The following ARHGEF11 variants were observed in gnomAD, a reference collection of about 807,000 sequenced individuals.
The protein encoded by ARHGEF11 is Rho guanine exchange factor (GEF) 11.
Under a neutral mutation model 193.7 loss-of-function variants are expected in ARHGEF11, and 55 were observed. That is an observed-to-expected ratio of 0.28 (90% CI 0.23 to 0.36). The LOEUF (loss-of-function observed/expected upper bound fraction) is 0.36. Among genes scored for constraint, ARHGEF11 ranks in the 10% least tolerant of loss-of-function variants. The pLI is 1.00. For synonymous variants in ARHGEF11, 693 were observed against 768.0 expected, an observed-to-expected ratio of 0.90 and a Z score of 1.62; for missense variants, 1,723 against 2,005.6, an observed-to-expected ratio of 0.86 and a Z score of 2.69.
Position 156,968,090 on chromosome 1 carries a change from G to A in ARHGEF11, c.860C>T (p.Pro287Leu). Residue 287 changes from proline (P) to leucine (L), a missense_variant, in exon 11 of 41, where the codon CCT becomes CTT. Around this residue, in one of 5 missense-constraint regions of ARHGEF11, gnomAD observed 646 missense variants for 710.7 expected, o/e 0.91. Coordinates refer to ENST00000368194, the MANE Select transcript of ARHGEF11 (RefSeq NM_198236.3). Reference protein sequence around the residue: ...LMNRNSVLSDPGLDSPRTSPV... With the variant: ...LMNRNSVLSDLGLDSPRTSPV... ...GGAGGTTCGAGGACTGTCTAGCCCA[G>A]GGTCTGACAGTACCGAGTTCCGATT... 1 of 1,613,480 alleles carries A rather than the reference G, an allele frequency of 6.2e-7. No individual in the cohort carries two copies. The highest frequency in any genetic ancestry group is 8.5e-7 in the Non-Finnish European group (1 of 1,179,494).
chr1:156,995,150 G>A (rs1464759060), intron 1 of ARHGEF11, among the ~76,000 whole-genome samples: 1 of 152,164 alleles, frequency 6.6e-6, no homozygotes, highest in Non-Finnish European at 1.5e-5. Context: ...TCACCTAGAA[G>A]AACTGGCCTC....
At position 156,958,795 on chromosome 1, in the gene ARHGEF11, A is replaced by C. The variant is rs775776108; in HGVS notation, c.1449T>G (p.Pro483=). ...TCTCAGCCACTTGGCGCTCTCGGAGAGGGTCCCCATCCAGGTCCAGCAGGT... is the reference window on the plus strand; with the variant it reads ...TCTCAGCCACTTGGCGCTCTCGGAGCGGGTCCCCATCCAGGTCCAGCAGGT... The part of the protein sequence containing the change: ...ENDLLDLDGD[P]LRERQVAEKQ... The change falls in exon 17 of 41, where the codon CCT becomes CCG. Residue 483 remains proline (P), a synonymous_variant. Transcript: ENST00000368194. 5.6e-6 allele frequency: 9 copies of C among 1,614,182 alleles called. No homozygotes were observed. The highest frequency in any genetic ancestry group is 7.6e-6 in the Non-Finnish European group (9 of 1,180,022).
At chr1:157,025,553 G>C (rs1670541983) in intron 1 of ARHGEF11, among the ~76,000 whole-genome samples, 1 of 152,138 alleles carries the variant, frequency 6.6e-6, no homozygotes, top group South Asian at 2.1e-4. Context: ...CCTAGCCTGA[G>C]TTGGTAATCT....
chr1:156,983,692 A>G (rs1664531026), intron 3 of ARHGEF11, among the ~76,000 whole-genome samples: 1 of 152,148 alleles, frequency 6.6e-6, no homozygotes, highest in East Asian at 1.9e-4. Flanking sequence ...CCAAATTCCT[A>G]TCCTGCTGAT....
At position 156,939,971 on chromosome 1, in the gene ARHGEF11, C is replaced by G. The variant is rs149403600; in HGVS notation, c.3734-61G>C. The G allele has an allele frequency of 5.1e-6, 8 of 1,576,800 alleles. No individual in the cohort carries two copies. The African/African-American group carries it at 1.1e-4, about 21-fold the overall frequency. ...GGACTGCACACCACGCCAGAAGGAT[C>G]GTTGTACTGCCCCACTGACCCCAAG... On this transcript the variant is annotated intron_variant, in intron 36 of 40. Coordinates refer to ENST00000368194, the MANE Select transcript of ARHGEF11 (RefSeq NM_198236.3).
At chr1:157,025,074 G>A (rs1670484962) in intron 1 of ARHGEF11, among the ~76,000 whole-genome samples, 1 of 152,148 alleles carries the variant, frequency 6.6e-6, no homozygotes, top group African/African-American at 2.4e-5. Context: ...ATCAACTTAG[G>A]ATCAATGAAC....
rs1391254786 is a variant in ARHGEF11, at chr1:157,035,939, CTAT to C, written c.32+8357_32+8359del. Among the ~76,000 whole-genome samples, 441 of 50,894 alleles carry C rather than the reference CTAT, an allele frequency of 8.7e-3. 57 individuals are homozygous for C. Among genetic ancestry groups the C allele is most frequent in the Middle Eastern group, 0.05 (2 of 40 alleles). 33.4% of individuals were successfully genotyped at this position (50,894 alleles called of 152,430 possible). A position where few individuals can be genotyped will look rare whatever the true frequency, so the allele number is the denominator to read the frequency against. ...TATATAGGAATATATATATATGAATCTATATATAGGAATATATATATATGAATC... is the reference window on the plus strand; with the variant it reads ...TATATAGGAATATATATATATGAATCATATAGGAATATATATATATGAATC... On this transcript the variant is annotated intron_variant, in intron 1 of 40. Transcript: ENST00000368194.
chr1:156,937,517 T>C, intron 38 of ARHGEF11, 21 bp from the exon 39 acceptor site: 1 of 1,510,722 alleles, frequency 6.6e-7, no homozygotes, highest in Non-Finnish European at 8.8e-7. Flanking sequence ...AGTAAGAGAA[T>C]GAGATCAGGA....
intron 40 of ARHGEF11, among the ~76,000 whole-genome samples, chr1:156,936,492 A>AT (rs1249771650): frequency 3.0e-3 from 285 of 95,286 alleles, no homozygotes; most frequent in African/African-American, 4.9e-3. Context: ...AAAAAAAAAA[A>AT]AAAAAATATA....
Position 156,948,651 on chromosome 1 carries a change from A to C in ARHGEF11, c.1926-153T>G. On this transcript the variant is annotated intron_variant, in intron 22 of 40. Coordinates refer to ENST00000368194, the MANE Select transcript of ARHGEF11 (RefSeq NM_198236.3). This position sits in a 1 kb window ranked among gnomAD's most constrained non-coding sequence, Gnocchi z 4.2. ...GGCCAAAGCAGCTGGATGGCAGTGG[A>C]AGCTTCTCAATGACAGACTATTTTT... The C allele has an allele frequency of 6.4e-7, 1 of 1,555,502 alleles. No homozygotes were observed. The highest frequency in any genetic ancestry group is 8.7e-7 in the Non-Finnish European group (1 of 1,155,618).
chr1:156,971,615 C>CCTT (rs1662492008), intron 8 of ARHGEF11, 82 bp downstream of exon 8: 1 of 1,514,344 alleles, frequency 6.6e-7, no homozygotes, highest in South Asian at 1.3e-5. Context: ...ACCCAAGAAG[C>CCTT]CTTCTGTCCT....
In ARHGEF11 at chr1:156,945,205, A is replaced by G; in HGVS notation, c.2813-8T>C. On this transcript the variant is annotated splice_polypyrimidine_tract_variant and splice_region_variant and intron_variant, in intron 29 of 40. Coordinates refer to ENST00000368194, the MANE Select transcript of ARHGEF11 (RefSeq NM_198236.3). ...CATGCTCAGAGGTGCCACCTACCAAAATGGACAGAAGAGATGGTTGGGGCT... is the reference window on the plus strand; with the variant it reads ...CATGCTCAGAGGTGCCACCTACCAAGATGGACAGAAGAGATGGTTGGGGCT... 1 of 1,612,726 alleles carries G rather than the reference A, an allele frequency of 6.2e-7. No individual in the cohort carries two copies. The highest frequency in any genetic ancestry group is 8.5e-7 in the Non-Finnish European group (1 of 1,179,296).
chr1:157,017,155 A>C (rs1235130141), intron 1 of ARHGEF11, among the ~76,000 whole-genome samples: 1 of 152,168 alleles, frequency 6.6e-6, no homozygotes, highest in Non-Finnish European at 1.5e-5. Flanking sequence ...AGCTCAGTTT[A>C]AATACTTTCT....
At chr1:157,041,119 C>G (rs993342112) in intron 1 of ARHGEF11, among the ~76,000 whole-genome samples, 2 of 152,170 alleles carry the variant, frequency 1.3e-5, no homozygotes, top group African/African-American at 4.8e-5. Flanking sequence ...ATGCAAACCC[C>G]TAACCCTCCT....
At position 157,044,416 on chromosome 1, in the gene ARHGEF11, T is replaced by C; in HGVS notation, c.-86A>G. ...AATCGCTTGCAATTTTTGAGCAAGG[T>C]GAGAGGAGGGCCTCCCAACTTGAAG... On this transcript the variant is annotated 5_prime_UTR_variant, in exon 1 of 41. Transcript: ENST00000368194. 2 of 1,337,248 alleles carry C rather than the reference T, an allele frequency of 1.5e-6. No homozygotes were observed. Among genetic ancestry groups the C allele is most frequent in the Non-Finnish European group, 2.1e-6 (2 of 930,290 alleles). 82.8% of individuals were successfully genotyped at this position (1,337,248 alleles called of 1,614,324 possible).
chr1:157,016,785 T>C (rs906006911), intron 1 of ARHGEF11, among the ~76,000 whole-genome samples: 1 of 142,634 alleles, frequency 7.0e-6, no homozygotes, highest in Non-Finnish European at 1.5e-5. Context: ...AAATTTTCCA[T>C]AATAGAGTTT....
rs749961142 is a variant in ARHGEF11, at chr1:156,986,060, T to C, written c.124+22A>G. On this transcript the variant is annotated intron_variant, in intron 2 of 40. Transcript: ENST00000368194. ...GCCACCATGCCTGGCTGTTTTTGTA[T>C]GTTAATGCCCAAGGAGGTTACCTGT... The C allele has an allele frequency of 3.7e-6, 6 of 1,602,678 alleles. No homozygotes were observed. In the South Asian group the frequency reaches 4.4e-5, roughly 12 times the overall value.
At chr1:156,993,932 T>C (rs12143045) in intron 1 of ARHGEF11, among the ~76,000 whole-genome samples, 29,649 of 152,088 alleles carry the variant, frequency 0.19, 3,037 homozygotes, top group East Asian at 0.33. Flanking sequence ...ACTTTCTAGC[T>C]ATCCAGCAGC....
intron 1 of ARHGEF11, among the ~76,000 whole-genome samples, chr1:157,025,979 T>TA (rs2102954873): frequency 6.6e-6 from 1 of 152,344 alleles, no homozygotes; most frequent in East Asian, 1.9e-4. Context: ...ATTATTGTAT[T>TA]AAGTGGATTC....
Sources: gnomAD v4.1 joint callset for allele counts (sites outside exome capture counted in the v4.1 genomes callset) on GRCh38, gnomAD v4.1.1 for gene constraint, gnomAD v4.1.1 regional missense constraint, Gnocchi (gnomAD v3.1) non-coding constraint, MANE v1.5 for transcripts, NCBI Gene and HGNC (gene_info 2026-07-23, HGNC 2026-07-21) for gene names.